Variants in LOXHD1 observed in about 807,000 individuals in gnomAD.
LOXHD1 encodes the protein lipoxygenase homology domain-containing protein 1.
In LOXHD1, 205 loss-of-function variants were observed where a neutral mutation model predicts 248.2. That is an observed-to-expected ratio of 0.83 (90% CI 0.74 to 0.93). LOXHD1 has a LOEUF of 0.93. Ranked by LOEUF, LOXHD1 falls within the 40% of genes least tolerant of loss-of-function variation. The pLI, the probability that LOXHD1 is intolerant of heterozygous loss-of-function variation, is 0.00. For synonymous variants in LOXHD1, 1,113 were observed against 1,162.8 expected (o/e 0.96, Z 0.87); for missense variants, 2,930 against 2,971.6 (o/e 0.99, Z 0.33).
chr18:46,541,336 A>G (rs1446161586), intron 25 of LOXHD1, among the ~76,000 whole-genome samples: 4 of 152,128 alleles, frequency 2.6e-5, no homozygotes, highest in African/African-American at 4.8e-5. Flanking sequence ...GCTGGCAGTC[A>G]TGTATACCAC....
chr18:46,484,984 C>A lies in LOXHD1; in HGVS notation c.6182+35G>T, dbSNP rs570841685. On this transcript the variant is annotated intron_variant, in intron 39 of 40. Coordinates refer to ENST00000642948, the MANE Select transcript of LOXHD1 (RefSeq NM_001384474.1). ...CTCGGGGTCCTCCCTTACCTACCCA[C>A]CCCCCACCACTTCCCATGGGCCTCC... is the stretch of plus-strand genomic sequence containing the variant. 2.6e-4 allele frequency: 407 copies of A among 1,537,298 alleles called. 2 individuals carry two copies. In the African/African-American group the frequency reaches 4.8e-3, roughly 18 times the overall value.
intron 8 of LOXHD1, among the ~76,000 whole-genome samples, chr18:46,598,625 A>C (rs1235437005): frequency 6.6e-6 from 1 of 152,168 alleles, no homozygotes; most frequent in Non-Finnish European, 1.5e-5. Context: ...TATGTAAACT[A>C]AATGTCCGGA....
intron 4 of LOXHD1, among the ~76,000 whole-genome samples, chr18:46,629,449 T>C (rs2144353571): frequency 6.6e-6 from 1 of 152,334 alleles, no homozygotes; most frequent in South Asian, 2.1e-4. Flanking sequence ...GCATTTGCAC[T>C]ATGCAGTCCT....
chr18:46,614,718 T>TAATTAATA (rs1555686539), intron 5 of LOXHD1, among the ~76,000 whole-genome samples: 1 of 149,748 alleles, frequency 6.7e-6, no homozygotes, highest in Non-Finnish European at 1.5e-5. Context: ...TAAAGTATAA[T>TAATTAATA]AATAAATAAA....
intron 4 of LOXHD1, among the ~76,000 whole-genome samples, chr18:46,623,040 TG>T (rs2038690587): frequency 6.6e-6 from 1 of 152,210 alleles, no homozygotes; most frequent in Non-Finnish European, 1.5e-5. Flanking sequence ...GCTCTAGAGC[TG>T]GCCTGTGATT....
chr18:46,594,533 G>A (rs1392224832), intron 8 of LOXHD1, 67 bp from the exon 9 acceptor site: 2 of 1,536,442 alleles, frequency 1.3e-6, no homozygotes, highest in African/African-American at 2.8e-5. Context: ...GTGATGTTCA[G>A]CAGGCTCCCA....
chr18:46,577,902 T>C (rs1193045467), intron 13 of LOXHD1, 35 bp from the exon 14 acceptor site: 2 of 1,550,644 alleles, frequency 1.3e-6, no homozygotes, highest in Middle Eastern at 1.7e-4. Context: ...AGTTAGACAG[T>C]GGCTACCCCA....
Position 46,524,837 on chromosome 18 carries a change from G to A in LOXHD1, c.4611C>T (p.Cys1537=), listed in dbSNP as rs189561302. ...CCACCTTCTCCACGTACCAGTCTGCGCACCACTTGGAGTTGTCATGGCGGA... is the reference window on the plus strand; with the variant it reads ...CCACCTTCTCCACGTACCAGTCTGCACACCACTTGGAGTTGTCATGGCGGA... ...IKLRHDNSKW[C]ADWYVEKVEI... is the part of the protein sequence containing the mutation. Residue 1537 remains cysteine, a synonymous_variant, in exon 30 of 41, where the codon TGC becomes TGT. Coordinates refer to ENST00000642948, the MANE Select transcript of LOXHD1 (RefSeq NM_001384474.1). The A allele has an allele frequency of 2.6e-4, 404 of 1,551,784 alleles. 2 individuals carry two copies. The highest frequency in any genetic ancestry group is 1.7e-3 in the East Asian group (69 of 40,918).
intron 27 of LOXHD1, chr18:46,533,666 G>T: frequency 3.0e-6 from 1 of 335,738 alleles, no homozygotes; most frequent in South Asian, 2.6e-5. Flanking sequence ...GCTCATGCCT[G>T]TAATCTCAGC....
intron 2 of LOXHD1, among the ~76,000 whole-genome samples, chr18:46,648,301 A>G (rs1364341976): frequency 1.3e-5 from 2 of 152,046 alleles, no homozygotes; most frequent in Non-Finnish European, 2.9e-5. Flanking sequence ...CAATCAAACA[A>G]AAAAAAACGT....
intron 19 of LOXHD1, 35 bp downstream of exon 19, chr18:46,560,048 T>TCCCAGCCCC: frequency 6.5e-6 from 8 of 1,226,296 alleles, no homozygotes; most frequent in East Asian, 2.8e-5. Context: ...GTCTGGCCAC[T>TCCCAGCCCC]CCCTCCCCAC....
rs558464842 is a variant in LOXHD1, at chr18:46,479,898, A to G, written c.6342-1946T>C. 3.9e-5 allele frequency among the ~76,000 whole-genome samples: 6 copies of G among 152,256 alleles called. No homozygotes were observed. The South Asian group carries it at 1.2e-3, about 32-fold the overall frequency. On this transcript the variant is annotated intron_variant, in intron 40 of 40. Transcript: ENST00000642948. ...ATCCTCCCATTTCATAGGAGGAGGA[A>G]CTGAGACTTGAAGAAGAAAAGTCAG...
chr18:46,621,427 C>T (rs957311346), intron 4 of LOXHD1, among the ~76,000 whole-genome samples: 5 of 152,206 alleles, frequency 3.3e-5, no homozygotes, highest in Non-Finnish European at 7.3e-5. Context: ...GGCCCAATGC[C>T]GGCCCTGATC....
In LOXHD1 at chr18:46,560,100, C is replaced by T. The variant is rs1251375182; in HGVS notation, c.3044G>A (p.Gly1015Asp). 3.0e-6 allele frequency: 4 copies of T among 1,313,000 alleles called. No individual in the cohort carries two copies. The highest frequency in any genetic ancestry group is 4.6e-5 in the Admixed American group (2 of 43,042). The allele number at this position is 1,313,000 out of a possible 1,614,324, so 81.3% of individuals were successfully genotyped here. ...CCACTTACGCTCAGGACCCGGCTTG[C>T]CAGCTGGCACCAACTCCACGACAAG... Reference protein sequence around the residue: ...NELVVELVPAGKPGPERNTYE... With the variant: ...NELVVELVPADKPGPERNTYE... Residue 1015 changes from glycine (G) to aspartate (D), a missense_variant, in exon 19 of 41, where the codon GGC (glycine) becomes GAC (aspartate). By Grantham distance (94) the Gly-to-Asp change is moderately conservative. Transcript: ENST00000642948.
intron 7 of LOXHD1, 138 bp from the exon 8 acceptor site, chr18:46,601,605 C>A: frequency 8.8e-7 from 1 of 1,134,446 alleles, no homozygotes; most frequent in Non-Finnish European, 1.3e-6. Flanking sequence ...ATGTCCTACT[C>A]CTCCAGATGC....
chr18:46,606,960 G>A (rs1185216343), intron 6 of LOXHD1, among the ~76,000 whole-genome samples: 1 of 152,082 alleles, frequency 6.6e-6, no homozygotes, highest in African/African-American at 2.4e-5. Context: ...AAGGTCAGGA[G>A]TTCGAGACCA....
chr18:46,543,572 C>G (rs1320924543), intron 23 of LOXHD1, among the ~76,000 whole-genome samples: 3 of 152,220 alleles, frequency 2.0e-5, no homozygotes. Context: ...ACCCTAACCC[C>G]CCACCCCCTG....
At chr18:46,543,021 T>A (rs935307438) in intron 23 of LOXHD1, among the ~76,000 whole-genome samples, 166 bp from the exon 24 acceptor site, 3 of 152,240 alleles carry the variant, frequency 2.0e-5, no homozygotes, top group Non-Finnish European at 2.9e-5. Context: ...GTGGGCATTT[T>A]AAAAAATTTT....
intron 37 of LOXHD1, among the ~76,000 whole-genome samples, chr18:46,499,179 G>A (rs529419105): frequency 2.0e-4 from 31 of 152,240 alleles, no homozygotes; most frequent in Non-Finnish European, 3.4e-4. Flanking sequence ...GTTCAGTGTT[G>A]TGAGTGCTAG....
Sources: allele counts gnomAD v4.1 joint callset (sites outside exome capture counted in the v4.1 genomes callset), GRCh38; gene constraint gnomAD v4.1.1; transcripts MANE v1.5; gene names NCBI Gene and HGNC (gene_info 2026-07-23, HGNC 2026-07-21).